ADAMTS15: variants seen among roughly 807,000 people sequenced by gnomAD.
ADAMTS15 encodes ADAM metallopeptidase with thrombospondin type 1 motif 15, also known as A disintegrin and metalloproteinase with thrombospondin motifs 15.
ADAMTS15 carries 35 observed loss-of-function variants against 79.1 expected under a neutral mutation model. The ratio of observed to expected loss-of-function variants is 0.44; its 90% CI spans 0.34 to 0.59. ADAMTS15 has a LOEUF of 0.59. Ranked by LOEUF, ADAMTS15 falls within the 20% of genes least tolerant of loss-of-function variation. The probability of loss-of-function intolerance (pLI) is 0.02; values close to 1 mark genes in which losing one functional copy is unlikely to be tolerated. For synonymous variants in ADAMTS15, 616 were observed against 567.3 expected (o/e 1.09, Z -1.22); for missense variants, 1,324 against 1,318.7 (o/e 1.00, Z -0.06).
chr11:130,450,800 T>C (rs1565390429), intron 1 of ADAMTS15, among the ~76,000 whole-genome samples: 3 of 152,204 alleles, frequency 2.0e-5, no homozygotes, highest in African/African-American at 7.2e-5. Flanking sequence ...CCCAAGTCAC[T>C]AAAATTCCTA....
intron 1 of ADAMTS15, among the ~76,000 whole-genome samples, chr11:130,455,217 GTTA>G (rs1027358294): frequency 1.1e-4 from 16 of 152,184 alleles, no homozygotes; most frequent in African/African-American, 3.9e-4. Flanking sequence ...AGTTATGGTA[GTTA>G]TTATCATCTC....
chr11:130,468,144 C>G (rs1054063970), intron 4 of ADAMTS15, among the ~76,000 whole-genome samples: 3 of 152,238 alleles, frequency 2.0e-5, no homozygotes, highest in Non-Finnish European at 4.4e-5. Flanking sequence ...AGAGCACTCT[C>G]TGAACTTTTG....
In ADAMTS15 at chr11:130,473,037, C is replaced by A. The variant is rs747461019; in HGVS notation, c.2079-10C>A. The A allele has an allele frequency of 1.2e-6, 2 of 1,611,824 alleles. No individual in the cohort carries two copies. Among genetic ancestry groups the A allele is most frequent in the South Asian group, 1.1e-5 (1 of 90,908 alleles). On this transcript the variant is annotated splice_polypyrimidine_tract_variant and intron_variant, in intron 7 of 7. Coordinates refer to ENST00000299164, the MANE Select transcript of ADAMTS15 (RefSeq NM_139055.4). ...TCTATCTGATGCACGGCCCCCCTTT[C>A]CCCCGCCAGGCATGGCTACAATTTC...
chr11:130,462,360 T>A lies in ADAMTS15; in HGVS notation c.1258+106T>A. On this transcript the variant is annotated intron_variant, in intron 3 of 7. Transcript: ENST00000299164. The surrounding 1 kb of genome is among the most constrained non-coding windows in gnomAD (Gnocchi z 4.3). ...CCGTCCTCTGTACATTAGGTGTGTG[T>A]GCCCCCTCGGAGCCGGGCTCTGACA... 6.7e-7 allele frequency: 1 copy of A among 1,487,298 alleles called. No individual in the cohort carries two copies. Among genetic ancestry groups the A allele is most frequent in the Non-Finnish European group, 9.0e-7 (1 of 1,110,476 alleles). 92.1% of individuals were successfully genotyped at this position (1,487,298 alleles called of 1,614,324 possible). A position where few individuals can be genotyped will look rare whatever the true frequency, so the allele number is the denominator to read the frequency against.
Position 130,474,058 on chromosome 11 carries a change from C to T in ADAMTS15, c.*237C>T, listed in dbSNP as rs1415130322. On this transcript the variant is annotated 3_prime_UTR_variant, in exon 8 of 8. Transcript: ENST00000299164. ...CAGGCCCCGCTCCTCGGGCCGGTTG[C>T]GGGGAGAGGCTTTGAGGTGCAGGGC... The T allele has an allele frequency of 5.4e-5, 29 of 533,490 alleles. No individual in the cohort carries two copies. Among genetic ancestry groups the T allele is most frequent in the Non-Finnish European group, 7.0e-5 (22 of 316,290 alleles). The allele number at this position is 533,490 out of a possible 1,614,324, so 33.0% of individuals were successfully genotyped here.
At chr11:130,470,174 A>ATGTG (rs1289613690) in intron 5 of ADAMTS15, among the ~76,000 whole-genome samples, 3 of 63,598 alleles carry the variant, frequency 4.7e-5, no homozygotes, top group African/African-American at 2.0e-4. Context: ...ATATATATAT[A>ATGTG]TATATATGTG....
Position 130,476,012 on chromosome 11 carries a change from A to C in ADAMTS15, c.*2191A>C, listed in dbSNP as rs577206716. ...AAGGACAACCTCTCTGGCTCCTGACACAAGCCAGGCCTCGGTGCTTTTATC... is the reference window on the plus strand; with the variant it reads ...AAGGACAACCTCTCTGGCTCCTGACCCAAGCCAGGCCTCGGTGCTTTTATC... On this transcript the variant is annotated 3_prime_UTR_variant, in exon 8 of 8. Transcript: ENST00000299164. The C allele has an allele frequency of 6.6e-6, 1 of 152,378 alleles. No individual in the cohort carries two copies. The highest frequency in any genetic ancestry group is 1.9e-4 in the East Asian group (1 of 5,188). 9.4% of individuals were successfully genotyped at this position (152,378 alleles called of 1,614,324 possible).
At chr11:130,466,885 A>C (rs1938311700) in intron 4 of ADAMTS15, among the ~76,000 whole-genome samples, 1 of 152,078 alleles carries the variant, frequency 6.6e-6, no homozygotes, top group Non-Finnish European at 1.5e-5. Context: ...TGCCTGGCTT[A>C]TGCCACCTGT....
chr11:130,449,973 C>A lies in ADAMTS15; in HGVS notation c.957+43C>A. On this transcript the variant is annotated intron_variant, in intron 1 of 7. Transcript: ENST00000299164. This position sits in a 1 kb window ranked among gnomAD's most constrained non-coding sequence, Gnocchi z 7.8. ...CACTTTGCACCCAGATAGTCCCGTT[C>A]TTTAGGGTCACCTCCCCTAGCGCTC... 6.3e-7 allele frequency: 1 copy of A among 1,580,532 alleles called. No homozygotes were observed. The highest frequency in any genetic ancestry group is 1.1e-5 in the South Asian group (1 of 88,462).
rs141417398 is a variant in ADAMTS15, at chr11:130,449,309, C to A, written c.336C>A (p.Asp112Glu). ...CTGGGGACGTGAACGCCGAGCCGGA[C>A]TCGTTCGCTGCTGTGAGCCTGTGCG... ...FYSGDVNAEP[D>E]SFAAVSLCGG... The change falls in exon 1 of 8, where the codon GAC (aspartate) becomes GAA (glutamate). Residue 112 changes from aspartate (D) to glutamate (E), a missense_variant. Asp to Glu is a conservative substitution (Grantham distance 45, BLOSUM62 2). Transcript: ENST00000299164. The surrounding 1 kb of genome is among the most constrained non-coding windows in gnomAD (Gnocchi z 7.8). The A allele has an allele frequency of 6.2e-6, 10 of 1,610,776 alleles. No homozygotes were observed. The highest frequency in any genetic ancestry group is 8.5e-6 in the Non-Finnish European group (10 of 1,180,026).
At chr11:130,470,799 A>C in intron 5 of ADAMTS15, 121 bp from the exon 6 acceptor site, 1 of 1,122,676 alleles carries the variant, frequency 8.9e-7, no homozygotes, top group Non-Finnish European at 1.3e-6. Flanking sequence ...GGGAGGTTGC[A>C]GCTTTGGTGA....
At position 130,471,235 on chromosome 11, in the gene ADAMTS15, G is replaced by A; in HGVS notation, c.1930G>A (p.Asp644Asn). The change falls in exon 7 of 8, where the codon GAC (aspartate) becomes AAC (asparagine). Residue 644 changes from aspartate (D) to asparagine (N), a missense_variant. Physicochemically the swap from Asp to Asn is conservative, Grantham distance 23. Transcript: ENST00000299164. ...GGTGGACGGCACGCTGTGCTCTCCTGACTCCACCTCCGTCTGTGTCCAAGG... is the reference window on the plus strand; with the variant it reads ...GGTGGACGGCACGCTGTGCTCTCCTAACTCCACCTCCGTCTGTGTCCAAGG... ...KVVDGTLCSP[D>N]STSVCVQGKC... 3 of 1,607,922 alleles carry A rather than the reference G, an allele frequency of 1.9e-6. No homozygotes were observed. Among genetic ancestry groups the A allele is most frequent in the Non-Finnish European group, 2.5e-6 (3 of 1,177,798 alleles).
At chr11:130,458,035 T>G (rs1408885844) in intron 1 of ADAMTS15, among the ~76,000 whole-genome samples, 1 of 152,122 alleles carries the variant, frequency 6.6e-6, no homozygotes, top group Non-Finnish European at 1.5e-5. Flanking sequence ...ACAGGTTGCT[T>G]CTGGCCAAGA....
In ADAMTS15 at chr11:130,449,076, A is replaced by G. The variant is rs1937892457; in HGVS notation, c.103A>G (p.Ile35Val). Residue 35 changes from isoleucine to valine, a missense_variant, in exon 1 of 8, where the codon ATT (isoleucine) becomes GTT (valine). Physicochemically the swap from Ile to Val is conservative, Grantham distance 29. Transcript: ENST00000299164. This position sits in a 1 kb window ranked among gnomAD's most constrained non-coding sequence, Gnocchi z 7.8. ...CGTTCCCATCCGACTGGACCCGGACATTAACGGCCGCCGCTACTACTGGCG... is the reference window on the plus strand; with the variant it reads ...CGTTCCCATCCGACTGGACCCGGACGTTAACGGCCGCCGCTACTACTGGCG... ...VVVPIRLDPD[I>V]NGRRYYWRGP... 4 of 1,577,164 alleles carry G rather than the reference A, an allele frequency of 2.5e-6. No individual in the cohort carries two copies. Among genetic ancestry groups the G allele is most frequent in the Admixed American group, 1.8e-5 (1 of 56,786 alleles).
At chr11:130,461,406 T>C in intron 1 of ADAMTS15, 83 bp from the exon 2 acceptor site, 2 of 1,592,162 alleles carry the variant, frequency 1.3e-6, no homozygotes, top group Non-Finnish European at 1.7e-6. Flanking sequence ...GAATGTCCTA[T>C]AGGATGTCCT....
At chr11:130,460,031 C>T (rs1938167045) in intron 1 of ADAMTS15, among the ~76,000 whole-genome samples, 1 of 152,140 alleles carries the variant, frequency 6.6e-6, no homozygotes, top group South Asian at 2.1e-4. Flanking sequence ...TTAAATAGGG[C>T]TGTGTGTGCA....
At chr11:130,460,705 C>T (rs926849633) in intron 1 of ADAMTS15, among the ~76,000 whole-genome samples, 8 of 152,204 alleles carry the variant, frequency 5.3e-5, no homozygotes, top group Admixed American at 4.6e-4. Context: ...GAGATATCCA[C>T]CCCGGAAGCC....
chr11:130,459,188 C>T (rs531803297), intron 1 of ADAMTS15, among the ~76,000 whole-genome samples: 3 of 152,120 alleles, frequency 2.0e-5, no homozygotes. Flanking sequence ...GGCGAAACCC[C>T]ATCTCTACTA....
chr11:130,469,499 C>A lies in ADAMTS15; in HGVS notation c.1720+60C>A, dbSNP rs570547889. ...GGGGAGGTGAGGCTGGAGGTCCCCC[C>A]ACCCCACCCCTACTCCATGTAATGC... On this transcript the variant is annotated intron_variant, in intron 5 of 7. Coordinates refer to ENST00000299164, the MANE Select transcript of ADAMTS15 (RefSeq NM_139055.4). 343 of 1,235,476 alleles carry A rather than the reference C, an allele frequency of 2.8e-4. 1 individual carries two copies. In the African/African-American group the frequency reaches 4.9e-3, roughly 18 times the overall value. 76.5% of individuals were successfully genotyped at this position (1,235,476 alleles called of 1,614,324 possible).
Sources: gnomAD v4.1 joint callset for allele counts (sites outside exome capture counted in the v4.1 genomes callset) on GRCh38, gnomAD v4.1.1 for gene constraint, Gnocchi (gnomAD v3.1) non-coding constraint, MANE v1.5 for transcripts, NCBI Gene and HGNC (gene_info 2026-07-23, HGNC 2026-07-21) for gene names.